SCUBE3: variants seen among roughly 807,000 people sequenced by gnomAD.
The protein encoded by SCUBE3 is signal peptide, CUB domain and EGF like domain containing 3.
A neutral mutation model predicts 116.8 loss-of-function variants in SCUBE3; 33 were observed. The observed-to-expected ratio is 0.28, with a 90% CI of 0.21 to 0.38. The LOEUF (loss-of-function observed/expected upper bound fraction) is 0.38. Among genes scored for constraint, SCUBE3 ranks in the 10% least tolerant of loss-of-function variants. The pLI is 1.00. For synonymous variants in SCUBE3, 418 were observed against 496.9 expected, an observed-to-expected ratio of 0.84 and a Z score of 2.11; for missense variants, 1,007 against 1,324.8, an observed-to-expected ratio of 0.76 and a Z score of 3.72.
At position 35,240,509 on chromosome 6, in the gene SCUBE3, AC is replaced by A; in HGVS notation, c.1069+24del. ...TGTGGGGGTAAGCTAGTAAGCTTGC[AC>A]CCCCAGCCACCCTGGCCCCCTCACC... On this transcript the variant is annotated intron_variant, in intron 9 of 21. Transcript: ENST00000274938. The surrounding 1 kb of genome is among the most constrained non-coding windows in gnomAD (Gnocchi z 4.6). 3 of 1,290,778 alleles carry A rather than the reference AC, an allele frequency of 2.3e-6. No homozygotes were observed. Among genetic ancestry groups the A allele is most frequent in the Non-Finnish European group, 2.2e-6 (2 of 902,614 alleles). 80.0% of individuals were successfully genotyped at this position (1,290,778 alleles called of 1,614,324 possible). A position where few individuals can be genotyped will look rare whatever the true frequency, so the allele number is the denominator to read the frequency against.
intron 6 of SCUBE3, among the ~76,000 whole-genome samples, chr6:35,236,164 G>A (rs138395130): frequency 6.6e-6 from 1 of 152,342 alleles, no homozygotes; most frequent in African/African-American, 2.4e-5. Context: ...TACCTGGCAA[G>A]TGCCTGGCAC....
At chr6:35,227,874 TA>T (rs759025819) in intron 2 of SCUBE3, among the ~76,000 whole-genome samples, 172 bp downstream of exon 2, 7 of 152,162 alleles carry the variant, frequency 4.6e-5, no homozygotes, top group Admixed American at 2.6e-4. Flanking sequence ...TGCCATTTTC[TA>T]ATTTGCACAA....
Position 35,231,791 on chromosome 6 carries a change from A to G in SCUBE3, c.401A>G (p.Tyr134Cys). The change falls in exon 4 of 22, where the codon TAT becomes TGT. Residue 134 changes from tyrosine (Y) to cysteine (C), a missense_variant. Coordinates refer to ENST00000274938, the MANE Select transcript of SCUBE3 (RefSeq NM_152753.4). The surrounding 1 kb of genome is among the most constrained non-coding windows in gnomAD (Gnocchi z 4.2). The stretch of plus-strand genomic sequence containing the variant: ...AGCTGTGTCAACATGATGGGCAGCT[A>G]TGAGTGCCACTGCCGGGAAGGCTTC... ...QQSCVNMMGS[Y>C]ECHCREGFFL... 1 of 1,613,628 alleles carries G rather than the reference A, an allele frequency of 6.2e-7. No individual in the cohort carries two copies.
chr6:35,235,619 G>A lies in SCUBE3; in HGVS notation c.713-2283G>A, dbSNP rs1783738139. 3.2e-5 allele frequency: 14 copies of A among 441,134 alleles called. No individual in the cohort carries two copies. Among genetic ancestry groups the A allele is most frequent in the South Asian group, 2.5e-4 (14 of 55,540 alleles). The allele number at this position is 441,134 out of a possible 1,614,324, so 27.3% of individuals were successfully genotyped here. Reference sequence around the variant, plus strand: ...GACTGGGCCCCAACTTGCCAGCAGGGCTATCCTGGCAGCCAGGGCACTGGG... The same window carrying A: ...GACTGGGCCCCAACTTGCCAGCAGGACTATCCTGGCAGCCAGGGCACTGGG... On this transcript the variant is annotated intron_variant, in intron 6 of 21. Transcript: ENST00000274938. The surrounding 1 kb of genome is among the most constrained non-coding windows in gnomAD (Gnocchi z 4.5).
chr6:35,216,118 A>C (rs1782881385), intron 1 of SCUBE3, among the ~76,000 whole-genome samples: 1 of 152,194 alleles, frequency 6.6e-6, no homozygotes, highest in Non-Finnish European at 1.5e-5. Context: ...CTGTGGACCA[A>C]AGGAGAAGCA....
In SCUBE3 at chr6:35,252,738, A is replaced by G. The variant is rs1381119350; in HGVS notation, c.*4033A>G. ...TATGATTAGAAGGAATAGAACCCCCAGTTGTCATCAGCTTTTTTAGACACC... is the reference window on the plus strand; with the variant it reads ...TATGATTAGAAGGAATAGAACCCCCGGTTGTCATCAGCTTTTTTAGACACC... On this transcript the variant is annotated 3_prime_UTR_variant, in exon 22 of 22. Coordinates refer to ENST00000274938, the MANE Select transcript of SCUBE3 (RefSeq NM_152753.4). 1.3e-5 allele frequency: 2 copies of G among 152,224 alleles called. No individual in the cohort carries two copies. The highest frequency in any genetic ancestry group is 4.8e-5 in the African/African-American group (2 of 41,460). The allele number at this position is 152,224 out of a possible 1,614,324, so 9.4% of individuals were successfully genotyped here. A position where few individuals can be genotyped will look rare whatever the true frequency, so the allele number is the denominator to read the frequency against.
In SCUBE3 at chr6:35,214,409, A is replaced by C; in HGVS notation, c.-10A>C. 2 of 1,434,322 alleles carry C rather than the reference A, an allele frequency of 1.4e-6. No homozygotes were observed. The highest frequency in any genetic ancestry group is 2.8e-5 in the South Asian group (2 of 72,492). 88.8% of individuals were successfully genotyped at this position (1,434,322 alleles called of 1,614,324 possible). A position where few individuals can be genotyped will look rare whatever the true frequency, so the allele number is the denominator to read the frequency against. ...CGGCCCCGGCGGCTGGGCCGCCAGT[A>C]GCTCCAGCCATGGGCTCGGGGCGCG... On this transcript the variant is annotated 5_prime_UTR_variant, in exon 1 of 22. Coordinates refer to ENST00000274938, the MANE Select transcript of SCUBE3 (RefSeq NM_152753.4). This position sits in a 1 kb window ranked among gnomAD's most constrained non-coding sequence, Gnocchi z 6.3.
chr6:35,236,539 A>G (rs1783781334), intron 6 of SCUBE3, among the ~76,000 whole-genome samples: 2 of 152,158 alleles, frequency 1.3e-5, no homozygotes, highest in African/African-American at 4.8e-5. Flanking sequence ...AGGAGAGACT[A>G]AAGTGGAAAT....
Position 35,239,323 on chromosome 6 carries a change from C to A in SCUBE3, c.830-429C>A, listed in dbSNP as rs1370757030. ...CTCCACCTCTCCTTGCCCCGCACCC[C>A]CCCAACCCCCCGTCCTGAGGGACAG... On this transcript the variant is annotated intron_variant, in intron 7 of 21. Transcript: ENST00000274938. This position sits in a 1 kb window ranked among gnomAD's most constrained non-coding sequence, Gnocchi z 4.1. Among the ~76,000 whole-genome samples the A allele has an allele frequency of 1.3e-5, 2 of 152,162 alleles. No individual in the cohort carries two copies. Among genetic ancestry groups the A allele is most frequent in the African/African-American group, 2.4e-5 (1 of 41,436 alleles).
At chr6:35,215,391 G>A (rs1199516513) in intron 1 of SCUBE3, among the ~76,000 whole-genome samples, 2 of 152,128 alleles carry the variant, frequency 1.3e-5, no homozygotes, top group Non-Finnish European at 2.9e-5. Flanking sequence ...GTTCTCTCGG[G>A]ACAGTTTCTC....
At position 35,248,669 on chromosome 6, in the gene SCUBE3, C is replaced by T. The variant is rs1306622759; in HGVS notation, c.2946C>T (p.Arg982=). 2 of 1,614,112 alleles carry T rather than the reference C, an allele frequency of 1.2e-6. No homozygotes were observed. Among genetic ancestry groups the T allele is most frequent in the East Asian group, 2.2e-5 (1 of 44,888 alleles). ...CAAAATCCTTCATCAAGCTGCTCCG[C>T]TCCAAAGTTTCCAGCTTCCTGAGGC... The part of the protein sequence containing the change: ...MLPKSFIKLL[R]SKVSSFLRPY... The change falls in exon 22 of 22, where the codon CGC becomes CGT. Residue 982 remains arginine (R), a synonymous_variant. Coordinates refer to ENST00000274938, the MANE Select transcript of SCUBE3 (RefSeq NM_152753.4).
intron 6 of SCUBE3, among the ~76,000 whole-genome samples, chr6:35,234,206 G>C (rs1783665270): frequency 6.6e-6 from 1 of 152,216 alleles, no homozygotes; most frequent in South Asian, 2.1e-4. Flanking sequence ...GAGAGAGGCT[G>C]TGTCTTTAGC....
At position 35,214,064 on chromosome 6, in the gene SCUBE3, C is replaced by T. The variant is rs1782783990; in HGVS notation, c.-355C>T. On this transcript the variant is annotated 5_prime_UTR_variant, in exon 1 of 22. Coordinates refer to ENST00000274938, the MANE Select transcript of SCUBE3 (RefSeq NM_152753.4). The surrounding 1 kb of genome is among the most constrained non-coding windows in gnomAD (Gnocchi z 6.3). ...CTCTGCGCGCTCTCCGGCTGCAGCT[C>T]TCTCCCGGCGAAGCTGGGAATTGGG... Among the ~76,000 whole-genome samples, 3 of 152,172 alleles carry T rather than the reference C, an allele frequency of 2.0e-5. No homozygotes were observed. Among genetic ancestry groups the T allele is most frequent in the African/African-American group, 7.2e-5 (3 of 41,458 alleles).
intron 6 of SCUBE3, among the ~76,000 whole-genome samples, chr6:35,234,751 C>G (rs920306693): frequency 3.3e-5 from 5 of 152,228 alleles, no homozygotes. Flanking sequence ...ATGTGAAGGT[C>G]TGATCCCTCT....
In SCUBE3 at chr6:35,245,504, C is replaced by A; in HGVS notation, c.2599+79C>A. The A allele has an allele frequency of 1.6e-6, 2 of 1,225,000 alleles. No homozygotes were observed. The highest frequency in any genetic ancestry group is 2.4e-6 in the Non-Finnish European group (2 of 832,434). The allele number at this position is 1,225,000 out of a possible 1,614,324, so 75.9% of individuals were successfully genotyped here. On this transcript the variant is annotated intron_variant, in intron 19 of 21. Coordinates refer to ENST00000274938, the MANE Select transcript of SCUBE3 (RefSeq NM_152753.4). The surrounding 1 kb of genome is among the most constrained non-coding windows in gnomAD (Gnocchi z 4.2). Reference sequence around the variant, plus strand: ...CGGAGAACAAAGAGAGAGACTGATACAGGAAGAAATGGGGCAGTGAAGTTA... The same window carrying A: ...CGGAGAACAAAGAGAGAGACTGATAAAGGAAGAAATGGGGCAGTGAAGTTA...
At chr6:35,237,765 G>A (rs1057455778) in intron 6 of SCUBE3, 137 bp from the exon 7 acceptor site, 27 of 615,444 alleles carry the variant, frequency 4.4e-5, no homozygotes, top group African/African-American at 9.1e-5. Flanking sequence ...AGCCTCCCTT[G>A]GCTTAATGCT....
chr6:35,243,781 G>A lies in SCUBE3; in HGVS notation c.2071+26G>A. Reference sequence around the variant, plus strand: ...GTGCCAGGGGAACAAACAATACAGAGTGGGGTAGGGTGGGCACTGGGATGC... The same window carrying A: ...GTGCCAGGGGAACAAACAATACAGAATGGGGTAGGGTGGGCACTGGGATGC... On this transcript the variant is annotated intron_variant, in intron 16 of 21. Coordinates refer to ENST00000274938, the MANE Select transcript of SCUBE3 (RefSeq NM_152753.4). The surrounding 1 kb of genome is among the most constrained non-coding windows in gnomAD (Gnocchi z 6.6). The A allele has an allele frequency of 6.2e-7, 1 of 1,605,892 alleles. No individual in the cohort carries two copies. Among genetic ancestry groups the A allele is most frequent in the Non-Finnish European group, 8.5e-7 (1 of 1,173,636 alleles).
chr6:35,235,514 C>G lies in SCUBE3; in HGVS notation c.712+2213C>G. 4.0e-6 allele frequency: 5 copies of G among 1,261,262 alleles called. No individual in the cohort carries two copies. The highest frequency in any genetic ancestry group is 5.2e-6 in the Non-Finnish European group (5 of 962,764). 78.1% of individuals were successfully genotyped at this position (1,261,262 alleles called of 1,614,324 possible). The stretch of plus-strand genomic sequence containing the variant: ...TAATGGTAAATATGTCTGCTCTCTC[C>G]GCTTGCTCTCACTGGCTTGCTAGGG... On this transcript the variant is annotated intron_variant, in intron 6 of 21. Coordinates refer to ENST00000274938, the MANE Select transcript of SCUBE3 (RefSeq NM_152753.4). This position sits in a 1 kb window ranked among gnomAD's most constrained non-coding sequence, Gnocchi z 4.5.
Position 35,231,893 on chromosome 6 carries a change from C to CTT in SCUBE3, c.469+34_469+35insTT, listed in dbSNP as rs1436737141. 6.4e-7 allele frequency: 1 copy of CTT among 1,571,372 alleles called. No individual in the cohort carries two copies. Among genetic ancestry groups the CTT allele is most frequent in the Non-Finnish European group, 8.7e-7 (1 of 1,148,474 alleles). The stretch of plus-strand genomic sequence containing the variant: ...ATGACCTGGGATGGCCCCATCCCTG[C>CTT]CCTCCCCAGGCTTCTCTTCCCAGCT... On this transcript the variant is annotated intron_variant, in intron 4 of 21. Coordinates refer to ENST00000274938, the MANE Select transcript of SCUBE3 (RefSeq NM_152753.4). The surrounding 1 kb of genome is among the most constrained non-coding windows in gnomAD (Gnocchi z 4.2).
Sources: allele counts gnomAD v4.1 joint callset (sites outside exome capture counted in the v4.1 genomes callset), GRCh38; gene constraint gnomAD v4.1.1; non-coding constraint Gnocchi (gnomAD v3.1); transcripts MANE v1.5; gene names NCBI Gene and HGNC (gene_info 2026-07-23, HGNC 2026-07-21).